Variants in PEBP4 observed in about 807,000 individuals in gnomAD.
The protein encoded by PEBP4 is phosphatidylethanolamine binding protein 4, also known as phosphatidylethanolamine-binding protein 4.
PEBP4 carries 22 observed loss-of-function variants against 23.9 expected under a neutral mutation model. That is an observed-to-expected ratio of 0.92 (90% CI 0.66 to 1.31). The LOEUF (loss-of-function observed/expected upper bound fraction) is 1.31. Ranked by LOEUF, PEBP4 falls within the 40% of genes most tolerant of loss-of-function variation. The pLI is 0.00. For synonymous variants in PEBP4, 112 were observed against 99.3 expected (o/e 1.13, Z -0.76); for missense variants, 324 against 281.7 (o/e 1.15, Z -1.07).
At chr8:22,832,314 T>C (rs1807102860) in intron 3 of PEBP4, among the ~76,000 whole-genome samples, 1 of 152,108 alleles carries the variant, frequency 6.6e-6, no homozygotes, top group South Asian at 2.1e-4. Flanking sequence ...GGTACCTTCA[T>C]AAGAAGAGAC....
intron 4 of PEBP4, among the ~76,000 whole-genome samples, chr8:22,760,469 GC>G (rs1420301519): frequency 9.9e-5 from 15 of 152,276 alleles, no homozygotes; most frequent in Middle Eastern, 3.4e-3. Context: ...TATAGTAGGT[GC>G]TTGGTGGATG....
intron 1 of PEBP4, among the ~76,000 whole-genome samples, chr8:22,934,029 A>G (rs970991253): frequency 2.0e-4 from 31 of 152,266 alleles, no homozygotes; most frequent in Admixed American, 1.9e-3. Context: ...GAGAAATGGG[A>G]GGTGCCAGGC....
chr8:22,908,870 C>A (rs886550970), intron 3 of PEBP4, among the ~76,000 whole-genome samples: 1 of 152,208 alleles, frequency 6.6e-6, no homozygotes, highest in Non-Finnish European at 1.5e-5. Flanking sequence ...CCATCCCACC[C>A]AGGTAACTAG....
chr8:22,769,983 G>A (rs1805685328), intron 4 of PEBP4, among the ~76,000 whole-genome samples: 1 of 152,068 alleles, frequency 6.6e-6, no homozygotes, highest in Non-Finnish European at 1.5e-5. Context: ...GCTGCCCTCA[G>A]GGCCCCTGAC....
At chr8:22,840,572 G>A (rs1212291899) in intron 3 of PEBP4, among the ~76,000 whole-genome samples, 1 of 152,112 alleles carries the variant, frequency 6.6e-6, no homozygotes, top group Non-Finnish European at 1.5e-5. Flanking sequence ...TTGGAAGGGT[G>A]AGAACTGTGA....
At chr8:22,836,130 T>C (rs1445529507) in intron 3 of PEBP4, among the ~76,000 whole-genome samples, 1 of 152,236 alleles carries the variant, frequency 6.6e-6, no homozygotes, top group African/African-American at 2.4e-5. Flanking sequence ...GCCTAAACTC[T>C]CTGGGCCTCA....
At chr8:22,886,937 C>A (rs866710952) in intron 3 of PEBP4, 4 of 152,238 alleles carry the variant, frequency 2.6e-5, no homozygotes, top group African/African-American at 7.2e-5. Flanking sequence ...TGGGGTGGGA[C>A]GCTGCTCAAG....
At chr8:22,875,671 G>A (rs563443443) in intron 3 of PEBP4, among the ~76,000 whole-genome samples, 5 of 152,154 alleles carry the variant, frequency 3.3e-5, no homozygotes, top group Admixed American at 2.0e-4. Context: ...AATTATTAGC[G>A]TCCAGGTTGT....
chr8:22,880,870 C>G (rs1313947776), intron 3 of PEBP4, among the ~76,000 whole-genome samples: 1 of 152,196 alleles, frequency 6.6e-6, no homozygotes, highest in East Asian at 1.9e-4. Flanking sequence ...ACCTCAAGAC[C>G]TTGATGCAGT....
chr8:22,889,800 G>T (rs1808456122), intron 3 of PEBP4, among the ~76,000 whole-genome samples: 1 of 152,236 alleles, frequency 6.6e-6, no homozygotes, highest in African/African-American at 2.4e-5. Flanking sequence ...TAATAAAGCA[G>T]AATCATGTAA....
intron 4 of PEBP4, among the ~76,000 whole-genome samples, chr8:22,803,732 T>A (rs1251818455): frequency 6.6e-6 from 1 of 152,112 alleles, no homozygotes; most frequent in Non-Finnish European, 1.5e-5. Flanking sequence ...AGACAGAGCT[T>A]GAGACTCCCC....
chr8:22,772,255 G>A (rs147320617), intron 4 of PEBP4, among the ~76,000 whole-genome samples: 94 of 152,338 alleles, frequency 6.2e-4, no homozygotes, highest in African/African-American at 2.1e-3. Context: ...TGTCTAGCTG[G>A]TGAGAGGTCT....
chr8:22,784,253 G>C (rs939378115), intron 4 of PEBP4, among the ~76,000 whole-genome samples: 2 of 152,198 alleles, frequency 1.3e-5, no homozygotes, highest in African/African-American at 2.4e-5. Flanking sequence ...AGGGTGTCAG[G>C]GTTGAAGGAA....
At chr8:22,730,031 C>A (rs940399387) in intron 4 of PEBP4, among the ~76,000 whole-genome samples, 1 of 152,062 alleles carries the variant, frequency 6.6e-6, no homozygotes, top group Non-Finnish European at 1.5e-5. Flanking sequence ...GGCCTTAGAC[C>A]CCAGGCCCTT....
intron 3 of PEBP4, among the ~76,000 whole-genome samples, chr8:22,856,992 GGTGA>G (rs1807665905): frequency 6.6e-6 from 1 of 151,884 alleles, no homozygotes; most frequent in Non-Finnish European, 1.5e-5. Flanking sequence ...AAAAATGATA[GGTGA>G]GTGTTTGATG....
At chr8:22,802,185 C>T (rs892294475) in intron 4 of PEBP4, among the ~76,000 whole-genome samples, 7 of 152,182 alleles carry the variant, frequency 4.6e-5, no homozygotes, top group African/African-American at 1.4e-4. Context: ...GGGTGTTGCT[C>T]TCTCCCGACT....
Position 22,713,274 on chromosome 8 carries a change from TGGAAAAGAAG to T in PEBP4, c.*86_*95del. 6.9e-7 allele frequency: 1 copy of T among 1,442,228 alleles called. No individual in the cohort carries two copies. Among genetic ancestry groups the T allele is most frequent in the Non-Finnish European group, 9.1e-7 (1 of 1,096,256 alleles). 89.3% of individuals were successfully genotyped at this position (1,442,228 alleles called of 1,614,324 possible). ...AGCCCTGGATGATTTTTTTTTTATT[TGGAAAAGAAG>T]GGGTTCTGTATCCAGAGGGGGTTCC... is the stretch of plus-strand genomic sequence containing the variant. On this transcript the variant is annotated 3_prime_UTR_variant, in exon 7 of 7. Coordinates refer to ENST00000256404, the MANE Select transcript of PEBP4 (RefSeq NM_144962.3).
At chr8:22,754,788 T>G (rs944993686) in intron 4 of PEBP4, 2 of 152,342 alleles carry the variant, frequency 1.3e-5, no homozygotes, top group East Asian at 3.9e-4. Context: ...CTCCCCTCCC[T>G]CACCTCTCTC....
At chr8:22,838,669 G>A (rs951553704) in intron 3 of PEBP4, among the ~76,000 whole-genome samples, 6 of 152,262 alleles carry the variant, frequency 3.9e-5, no homozygotes, top group African/African-American at 9.6e-5. Flanking sequence ...AGGAAGCCTC[G>A]GCGGTGAAGC....
Sources: allele counts gnomAD v4.1 joint callset (sites outside exome capture counted in the v4.1 genomes callset), GRCh38; gene constraint gnomAD v4.1.1; transcripts MANE v1.5; gene names NCBI Gene and HGNC (gene_info 2026-07-23, HGNC 2026-07-21).